The following P2RY14 variants were observed in gnomAD, a reference collection of about 807,000 sequenced individuals.
P2RY14 encodes P2Y purinoceptor 14.
Under a neutral mutation model 0.9 loss-of-function variants are expected in P2RY14, and 2 were observed. The ratio of observed to expected loss-of-function variants is 2.16; its 90% CI spans 0.88 to 6.79. P2RY14 has a LOEUF of 6.79. Ranked by LOEUF, P2RY14 falls within the 30% of genes most tolerant of loss-of-function variation. The probability of loss-of-function intolerance (pLI) is 0.05; values close to 1 mark genes in which losing one functional copy is unlikely to be tolerated. For synonymous variants in P2RY14, 158 were observed against 147.2 expected, an observed-to-expected ratio of 1.07 and a Z score of -0.53; for missense variants, 378 against 400.1, an observed-to-expected ratio of 0.94 and a Z score of 0.47.
At chr3:151,217,783 ATTTT>A (rs201322769) in intron 2 of P2RY14, among the ~76,000 whole-genome samples, 1 of 151,742 alleles carries the variant, frequency 6.6e-6, no homozygotes, top group Non-Finnish European at 1.5e-5. Flanking sequence ...TTAAATATTG[ATTTT>A]TTTTTAAAAG....
intron 1 of P2RY14, among the ~76,000 whole-genome samples, chr3:151,244,892 A>G (rs1735049453): frequency 6.6e-6 from 1 of 151,234 alleles, no homozygotes; most frequent in South Asian, 2.1e-4. Flanking sequence ...AAAGAAAAAA[A>G]GAGAGAAGAA....
At chr3:151,253,391 A>C (rs1279872085) in intron 1 of P2RY14, among the ~76,000 whole-genome samples, 3 of 152,222 alleles carry the variant, frequency 2.0e-5, no homozygotes, top group Non-Finnish European at 4.4e-5. Context: ...TACACATTTT[A>C]ATATGGCTTA....
At chr3:151,247,205 C>A (rs554522737) in intron 1 of P2RY14, among the ~76,000 whole-genome samples, 2 of 151,934 alleles carry the variant, frequency 1.3e-5, no homozygotes, top group African/African-American at 4.8e-5. Context: ...GTCAGTGTGG[C>A]GATTCCTCAG....
At chr3:151,277,255 A>G (rs935777647) in intron 1 of P2RY14, among the ~76,000 whole-genome samples, 11 of 151,900 alleles carry the variant, frequency 7.2e-5, no homozygotes, top group Admixed American at 7.2e-4. Flanking sequence ...ATTCATATAT[A>G]CCAATGTGTT....
intron 1 of P2RY14, among the ~76,000 whole-genome samples, chr3:151,266,064 AG>A (rs1194640290): frequency 6.6e-6 from 1 of 152,210 alleles, no homozygotes; most frequent in African/African-American, 2.4e-5. Flanking sequence ...CAGTGTGCAC[AG>A]GTGCCCTTGG....
At chr3:151,271,030 A>G (rs1264653561) in intron 1 of P2RY14, among the ~76,000 whole-genome samples, 3 of 150,556 alleles carry the variant, frequency 2.0e-5, no homozygotes, top group African/African-American at 7.3e-5. Context: ...AAAAAAAAAA[A>G]TCCCCAAATT....
rs773157324 is a variant in P2RY14, at chr3:151,213,804, T to G, written c.513A>C (p.Lys171Asn). The G allele has an allele frequency of 6.2e-7, 1 of 1,614,188 alleles. No homozygotes were observed. The highest frequency in any genetic ancestry group is 8.5e-7 in the Non-Finnish European group (1 of 1,180,028). ...CCAGTTCACTTTTCAGTTCTATACA[T>G]TTTATTTGTGTAACCTCCCTAACAC... ...NQSVREVTQI[K>N]CIELKSELGR... The change falls in exon 3 of 3, where the codon AAA becomes AAC. Residue 171 changes from lysine (K) to asparagine (N), a missense_variant. Transcript: ENST00000309170.
At chr3:151,260,409 G>T (rs1466931239) in intron 1 of P2RY14, among the ~76,000 whole-genome samples, 1 of 152,114 alleles carries the variant, frequency 6.6e-6, no homozygotes, top group African/African-American at 2.4e-5. Flanking sequence ...GAGTGAGGTG[G>T]CATGATAGTG....
intron 1 of P2RY14, among the ~76,000 whole-genome samples, chr3:151,272,919 G>A (rs1160129136): frequency 6.6e-6 from 1 of 152,154 alleles, no homozygotes; most frequent in African/African-American, 2.4e-5. Flanking sequence ...TACAAGTTGA[G>A]TATCCCTAAT....
intron 1 of P2RY14, among the ~76,000 whole-genome samples, chr3:151,262,562 A>G (rs1034473108): frequency 1.3e-5 from 2 of 152,244 alleles, no homozygotes; most frequent in East Asian, 1.9e-4. Flanking sequence ...GGTGAGGCCT[A>G]TGTTAAAAGC....
At chr3:151,267,597 G>A (rs960787944) in intron 1 of P2RY14, among the ~76,000 whole-genome samples, 2 of 152,104 alleles carry the variant, frequency 1.3e-5, no homozygotes, top group African/African-American at 4.8e-5. Context: ...TTTTTTTAAA[G>A]CCACCTAAAT....
intron 1 of P2RY14, among the ~76,000 whole-genome samples, chr3:151,246,573 G>C (rs1735540060): frequency 6.6e-6 from 1 of 152,128 alleles, no homozygotes; most frequent in Non-Finnish European, 1.5e-5. Context: ...GCCATATGTA[G>C]AAAGCTGAAA....
At chr3:151,221,448 G>A (rs952544310) in intron 1 of P2RY14, among the ~76,000 whole-genome samples, 2 of 152,290 alleles carry the variant, frequency 1.3e-5, no homozygotes, top group Non-Finnish European at 2.9e-5. Context: ...CCATCACATC[G>A]CAGGCCTGGA....
chr3:151,213,684 C>T lies in P2RY14; in HGVS notation c.633G>A (p.Lys211=). 1 of 1,614,162 alleles carries T rather than the reference C, an allele frequency of 6.2e-7. No homozygotes were observed. Among genetic ancestry groups the T allele is most frequent in the Non-Finnish European group, 8.5e-7 (1 of 1,180,032 alleles). The change falls in exon 3 of 3, where the codon AAG becomes AAA. Residue 211 remains lysine, a synonymous_variant. Coordinates refer to ENST00000309170, the MANE Select transcript of P2RY14 (RefSeq NM_014879.4). Reference sequence around the variant, plus strand: ...ACTTAAGGTGGGACTTAAAGATTTTCTTTGTGATAGCAGTATAGAAAACGA... The same window carrying T: ...ACTTAAGGTGGGACTTAAAGATTTTTTTTGTGATAGCAGTATAGAAAACGA... ...LLIVFYTAIT[K]KIFKSHLKSS...
At chr3:151,272,571 G>A (rs1446748600) in intron 1 of P2RY14, among the ~76,000 whole-genome samples, 2 of 152,134 alleles carry the variant, frequency 1.3e-5, no homozygotes, top group African/African-American at 4.8e-5. Flanking sequence ...TTTTCAGTGT[G>A]GATATTCTTA....
Position 151,247,962 on chromosome 3 carries a change from CTTTTTTTTTTTT to C in P2RY14, c.-132-28332_-132-28321del, listed in dbSNP as rs61102632. ...GTTTACTTTCTTTCTTCTTCTTCTT[CTTTTTTTTTTTT>C]TTTTTTTTTTTGCCTGAGAAATAAT... On this transcript the variant is annotated intron_variant, in intron 1 of 2. Coordinates refer to ENST00000309170, the MANE Select transcript of P2RY14 (RefSeq NM_014879.4). Among the ~76,000 whole-genome samples the C allele has an allele frequency of 2.8e-3, 214 of 75,906 alleles. 3 individuals carry two copies. Among genetic ancestry groups the C allele is most frequent in the Admixed American group, 0.021 (137 of 6,622 alleles). The allele number at this position is 75,906 out of a possible 152,430, so 49.8% of individuals were successfully genotyped here. A position where few individuals can be genotyped will look rare whatever the true frequency, so the allele number is the denominator to read the frequency against.
At chr3:151,214,739 A>T (rs1375227047) in intron 2 of P2RY14, among the ~76,000 whole-genome samples, 2 of 152,282 alleles carry the variant, frequency 1.3e-5, no homozygotes, top group East Asian at 3.9e-4. Flanking sequence ...GGAGACCAGC[A>T]TGCCCCTAAA....
chr3:151,217,962 C>CCTCAATATATAATTTG (rs1195222928), intron 2 of P2RY14, among the ~76,000 whole-genome samples: 1 of 151,956 alleles, frequency 6.6e-6, no homozygotes, highest in African/African-American at 2.4e-5. Flanking sequence ...GACCAAAAGG[C>CCTCAATATATAATTTG]AGGAATATGT....
intron 1 of P2RY14, among the ~76,000 whole-genome samples, chr3:151,265,518 C>T (rs760744813): frequency 5.3e-5 from 8 of 152,144 alleles, no homozygotes; most frequent in Non-Finnish European, 8.8e-5. Flanking sequence ...CGGTCACTGC[C>T]ATCATCCTCC....
Sources: gnomAD v4.1 joint callset for allele counts (sites outside exome capture counted in the v4.1 genomes callset) on GRCh38, gnomAD v4.1.1 for gene constraint, MANE v1.5 for transcripts, NCBI Gene and HGNC (gene_info 2026-07-23, HGNC 2026-07-21) for gene names.